Variants in MEGF10 observed in about 807,000 individuals in gnomAD.
The protein encoded by MEGF10 is multiple EGF like domains 10, also known as multiple epidermal growth factor-like domains protein 10.
In MEGF10, 86 loss-of-function variants were observed where a neutral mutation model predicts 147.5. The ratio of observed to expected loss-of-function variants is 0.58; its 90% CI spans 0.49 to 0.70. The LOEUF is 0.70. Among genes scored for constraint, MEGF10 ranks in the 30% least tolerant of loss-of-function variants. The pLI is 0.00. For missense variants in MEGF10, 1,329 were observed against 1,487.3 expected (o/e 0.89, Z 1.75); for synonymous variants, 478 against 525.5 (o/e 0.91, Z 1.24).
chr5:127,405,351 C>A (rs1373707877), intron 8 of MEGF10, among the ~76,000 whole-genome samples: 1 of 152,028 alleles, frequency 6.6e-6, no homozygotes, highest in Non-Finnish European at 1.5e-5. Flanking sequence ...AGACCCTGTA[C>A]TTTCTTATTA....
chr5:127,341,575 T>G (rs1340987003), intron 4 of MEGF10, among the ~76,000 whole-genome samples: 1 of 152,182 alleles, frequency 6.6e-6, no homozygotes, highest in Non-Finnish European at 1.5e-5. Flanking sequence ...CTTGGAATAG[T>G]ACATATCTCG....
Position 127,402,607 on chromosome 5 carries a change from G to T in MEGF10, c.842G>T (p.Cys281Phe). 1 of 1,614,108 alleles carries T rather than the reference G, an allele frequency of 6.2e-7. No homozygotes were observed. Among genetic ancestry groups the T allele is most frequent in the Non-Finnish European group, 8.5e-7 (1 of 1,180,002 alleles). Residue 281 changes from cysteine to phenylalanine, a missense_variant, in exon 8 of 25, where the codon TGC becomes TTC. This residue lies in a region of MEGF10 where 980 missense variants were observed against 1,085.9 expected (regional missense o/e 0.90). Transcript: ENST00000503335. The part of the protein sequence containing the change: ...GRFGKNCSQE[C>F]QCHNGGTCDA... ...TTTGGAAAGAACTGTTCCCAAGAAT[G>T]CCAGTGCCATAATGGAGGGACGTGT...
the MEGF10 span, among the ~76,000 whole-genome samples, chr5:127,246,761 A>G: frequency 0.011 from 1,619 of 141,942 alleles, 21 homozygotes; most frequent in African/African-American, 0.032. Flanking sequence ...TTTACATAAA[A>G]TATTTATAAA....
chr5:127,445,335 A>G (rs1208080500), intron 19 of MEGF10, 122 bp from the exon 20 acceptor site: 4 of 752,262 alleles, frequency 5.3e-6, no homozygotes, highest in Non-Finnish European at 9.1e-6. Flanking sequence ...TCTGTTTCCA[A>G]ATTAATGTTT....
chr5:127,381,919 CCTTGG>C, intron 5 of MEGF10, among the ~76,000 whole-genome samples: 1 of 152,336 alleles, frequency 6.6e-6, no homozygotes. Flanking sequence ...GATCCACCCA[CCTTGG>C]CCTCCCAAAG....
the MEGF10 span, among the ~76,000 whole-genome samples, chr5:127,265,884 G>C: frequency 4.6e-5 from 7 of 152,166 alleles, no homozygotes; most frequent in African/African-American, 1.7e-4. Flanking sequence ...TGTTCACTCT[G>C]ATGGTAGTTT....
intron 2 of MEGF10, among the ~76,000 whole-genome samples, chr5:127,332,504 G>T (rs528493587): frequency 6.6e-6 from 1 of 152,204 alleles, no homozygotes; most frequent in Non-Finnish European, 1.5e-5. Context: ...GGGACATGCT[G>T]GTTTCTCACT....
At chr5:127,454,166 C>T (rs192656832) in intron 22 of MEGF10, among the ~76,000 whole-genome samples, 356 of 152,256 alleles carry the variant, frequency 2.3e-3, no homozygotes, top group Admixed American at 2.9e-3. Flanking sequence ...ATAATATAAC[C>T]GAATAATGAT....
At chr5:127,282,065 C>A in the MEGF10 span, among the ~76,000 whole-genome samples, 16 of 152,282 alleles carry the variant, frequency 1.1e-4, no homozygotes, top group African/African-American at 2.6e-4. Context: ...AGTAAATCTG[C>A]CTGCCCCACT....
Position 127,396,669 on chromosome 5 carries a change from C to T in MEGF10, c.550C>T (p.Gln184Ter), listed in dbSNP as rs1763927242. Residue 184 changes from glutamine to a stop codon, truncating the protein, a stop_gained, in exon 6 of 25, where the codon CAG becomes TAG. Transcript: ENST00000503335. LOFTEE classifies it high-confidence loss of function. ...CTGGCGCTGCGAGGACCGCTGTGAGCAGGGCACCTATGGTAACGACTGTCA... is the reference window on the plus strand; with the variant it reads ...CTGGCGCTGCGAGGACCGCTGTGAGTAGGGCACCTATGGTAACGACTGTCA... ...RGWRCEDRCE[Q>*]GTYGNDCHQR... 6.2e-7 allele frequency: 1 copy of T among 1,614,134 alleles called. No individual in the cohort carries two copies. The highest frequency in any genetic ancestry group is 1.7e-5 in the Admixed American group (1 of 60,028).
chr5:127,352,459 C>T (rs564516919), intron 4 of MEGF10, among the ~76,000 whole-genome samples: 61 of 152,150 alleles, frequency 4.0e-4, no homozygotes, highest in East Asian at 1.4e-3. Flanking sequence ...GTCAGGAGTT[C>T]GAGACTAGCC....
chr5:127,454,257 G>A (rs1427165549), intron 22 of MEGF10, among the ~76,000 whole-genome samples: 1 of 152,254 alleles, frequency 6.6e-6, no homozygotes, highest in South Asian at 2.1e-4. Context: ...GGTCTTGGCT[G>A]TATCCTTTCT....
chr5:127,350,901 G>A (rs1438350892), intron 4 of MEGF10, among the ~76,000 whole-genome samples: 1 of 151,630 alleles, frequency 6.6e-6, no homozygotes, highest in Non-Finnish European at 1.5e-5. Context: ...GGTAAATGGG[G>A]TGTTCATCAC....
intron 4 of MEGF10, among the ~76,000 whole-genome samples, chr5:127,354,947 G>A (rs1316922127): frequency 1.3e-5 from 2 of 152,072 alleles, no homozygotes; most frequent in East Asian, 1.9e-4. Context: ...CTTCTGGGAA[G>A]AGCTGAACTG....
At chr5:127,422,602 C>T in intron 12 of MEGF10, 68 bp from the exon 13 acceptor site, 1 of 1,214,328 alleles carries the variant, frequency 8.2e-7, no homozygotes, top group Non-Finnish European at 1.2e-6. Context: ...CTGACAGTGG[C>T]CTTTTCCTCT....
chr5:127,438,278 A>G (rs527670853), intron 16 of MEGF10, among the ~76,000 whole-genome samples, 161 bp from the exon 17 acceptor site: 89 of 152,326 alleles, frequency 5.8e-4, no homozygotes, highest in African/African-American at 2.0e-3. Context: ...TGCCATGGCC[A>G]TCTGGGATTT....
chr5:127,313,866 T>G (rs538709897), intron 1 of MEGF10, among the ~76,000 whole-genome samples: 10 of 152,354 alleles, frequency 6.6e-5, no homozygotes, highest in South Asian at 4.1e-4. Flanking sequence ...TTTCTTTAAA[T>G]AAGATTCAGA....
intron 12 of MEGF10, among the ~76,000 whole-genome samples, chr5:127,421,380 A>G (rs972063291): frequency 1.3e-5 from 2 of 152,206 alleles, no homozygotes; most frequent in African/African-American, 4.8e-5. Flanking sequence ...TTATTCATCT[A>G]GCACCCACTA....
chr5:127,341,557 A>G (rs890427476), intron 4 of MEGF10, among the ~76,000 whole-genome samples: 6 of 152,142 alleles, frequency 3.9e-5, no homozygotes, highest in Non-Finnish European at 8.8e-5. Context: ...GCTGTCTCAG[A>G]GATAGGGCTT....
Sources: gnomAD v4.1 joint callset for allele counts (sites outside exome capture counted in the v4.1 genomes callset) on GRCh38, gnomAD v4.1.1 for gene constraint, gnomAD v4.1.1 regional missense constraint, MANE v1.5 for transcripts, NCBI Gene and HGNC (gene_info 2026-07-23, HGNC 2026-07-21) for gene names.